TOP1MT: variants seen among roughly 807,000 people sequenced by gnomAD.
TOP1MT encodes DNA topoisomerase I, mitochondrial.
A neutral mutation model predicts 73.9 loss-of-function variants in TOP1MT; 80 were observed. The ratio of observed to expected loss-of-function variants is 1.08; its 90% CI spans 0.90 to 1.30. The LOEUF (loss-of-function observed/expected upper bound fraction) is 1.30. Among genes scored for constraint, TOP1MT ranks in the 50% most tolerant of loss-of-function variants. TOP1MT has a pLI of 0.00. For missense variants in TOP1MT, 815 were observed against 808.0 expected, an observed-to-expected ratio of 1.01 and a Z score of -0.10; for synonymous variants, 338 against 326.4, an observed-to-expected ratio of 1.04 and a Z score of -0.38.
Position 143,341,634 on chromosome 8 carries a change from G to A in TOP1MT, c.29+1586C>T, listed in dbSNP as rs912510853. Among the ~76,000 whole-genome samples, 1 of 152,212 alleles carries A rather than the reference G, an allele frequency of 6.6e-6. No individual in the cohort carries two copies. The highest frequency in any genetic ancestry group is 1.5e-5 in the Non-Finnish European group (1 of 68,032). On this transcript the variant is annotated intron_variant, in intron 2 of 5. Transcript: ENST00000518007. This position sits in a 1 kb window ranked among gnomAD's most constrained non-coding sequence, Gnocchi z 4.1. ...TCTCAGCCCTTGTGGCCTCTGTCAG[G>A]AGCAGAAACCAAGGGCAATGAACAA...
At chr8:143,322,585 C>G (rs375541948) in intron 7 of TOP1MT, among the ~76,000 whole-genome samples, 47 of 130,188 alleles carry the variant, frequency 3.6e-4, no homozygotes, top group African/African-American at 1.4e-3. Flanking sequence ...CACACATGCA[C>G]GCCACACACA....
intron 1 of TOP1MT, among the ~76,000 whole-genome samples, chr8:143,332,060 G>C (rs2130329092): frequency 6.6e-6 from 1 of 152,242 alleles, no homozygotes; most frequent in South Asian, 2.1e-4. Flanking sequence ...TGGAGATTGG[G>C]GGGGTGTTGG....
intron 1 of TOP1MT, 102 bp from the exon 2 acceptor site, chr8:143,331,441 G>A (rs1431175720): frequency 5.2e-6 from 5 of 964,770 alleles, no homozygotes; most frequent in Non-Finnish European, 7.8e-6. Context: ...TAGCAGGTGA[G>A]CAGTGTGGCC....
Position 143,331,223 on chromosome 8 carries a change from C to T in TOP1MT, c.238+1G>A, listed in dbSNP as rs1045999571. 1.2e-6 allele frequency: 2 copies of T among 1,600,706 alleles called. No individual in the cohort carries two copies. The highest frequency in any genetic ancestry group is 1.3e-5 in the African/African-American group (1 of 74,724). ...GGAGGAGCCGCTCCCTGCATCCTTACCTTCATAGAAGAAACGCACTCCGTC... is the reference window on the plus strand; with the variant it reads ...GGAGGAGCCGCTCCCTGCATCCTTATCTTCATAGAAGAAACGCACTCCGTC... On this transcript the variant is annotated splice_donor_variant, in intron 2 of 13. Coordinates refer to ENST00000329245, the MANE Select transcript of TOP1MT (RefSeq NM_052963.3). LOFTEE classifies it high-confidence loss of function.
intron 1 of TOP1MT, among the ~76,000 whole-genome samples, chr8:143,354,795 T>C (rs892815283): frequency 6.6e-6 from 1 of 151,552 alleles, no homozygotes; most frequent in African/African-American, 2.4e-5. Flanking sequence ...ATTGGGCAGC[T>C]CCCAGAACCA....
Position 143,309,363 on chromosome 8 carries a change from G to T in TOP1MT, c.*78C>A, listed in dbSNP as rs1815938910. ...TACAAGCACTTGCACACATTTTATT[G>T]TACAAAATTCCCCAGTACTGCTTTA... On this transcript the variant is annotated 3_prime_UTR_variant, in exon 14 of 14. Coordinates refer to ENST00000329245, the MANE Select transcript of TOP1MT (RefSeq NM_052963.3). 3 of 1,481,398 alleles carry T rather than the reference G, an allele frequency of 2.0e-6. No homozygotes were observed. The highest frequency in any genetic ancestry group is 3.6e-5 in the Admixed American group (2 of 55,240). The allele number at this position is 1,481,398 out of a possible 1,614,324, so 91.8% of individuals were successfully genotyped here.
At chr8:143,339,162 T>C (rs985988965), upstream of TOP1MT, among the ~76,000 whole-genome samples, 2 of 152,174 alleles carry the variant, frequency 1.3e-5, no homozygotes, top group Non-Finnish European at 2.9e-5. Flanking sequence ...CGAGCAGTGG[T>C]GGAGTTTACC....
chr8:143,332,280 G>A (rs892515824), intron 1 of TOP1MT, among the ~76,000 whole-genome samples: 4 of 152,362 alleles, frequency 2.6e-5, no homozygotes, highest in Middle Eastern at 3.4e-3. Context: ...GAGATGGGGC[G>A]TGGCTGGCAG....
chr8:143,319,453 C>G (rs961308903), intron 8 of TOP1MT, among the ~76,000 whole-genome samples: 3 of 152,130 alleles, frequency 2.0e-5, no homozygotes, highest in African/African-American at 4.8e-5. Flanking sequence ...GGCCTTGCGC[C>G]CAGCCTGAGT....
At chr8:143,322,564 CAGACACGCCACACACAT>C (rs1816487085) in intron 7 of TOP1MT, among the ~76,000 whole-genome samples, 1 of 132,436 alleles carries the variant, frequency 7.6e-6, no homozygotes, top group African/African-American at 3.1e-5. Context: ...ACGCCACACA[CAGACACGCCACACACAT>C]GCACGCCACA....
At chr8:143,323,871 ACCCC>A in intron 7 of TOP1MT, 124 bp downstream of exon 7, 2 of 1,019,158 alleles carry the variant, frequency 2.0e-6, no homozygotes, top group Non-Finnish European at 2.9e-6. Context: ...ACATGCACAC[ACCCC>A]CCCCATCAGA....
chr8:143,330,268 T>C (rs1279553682), intron 2 of TOP1MT, among the ~76,000 whole-genome samples: 2 of 152,144 alleles, frequency 1.3e-5, no homozygotes, highest in Non-Finnish European at 2.9e-5. Flanking sequence ...CTGTCCACCA[T>C]GGCCCTGCAT....
intron 1 of TOP1MT, among the ~76,000 whole-genome samples, chr8:143,352,320 C>A (rs552517587): frequency 6.6e-6 from 1 of 152,132 alleles, no homozygotes; most frequent in African/African-American, 2.4e-5. Context: ...ATGAAGACAG[C>A]GGGGCACTGT....
At chr8:143,332,391 T>G in intron 1 of TOP1MT, 1 of 946,054 alleles carries the variant, frequency 1.1e-6, no homozygotes, top group South Asian at 1.4e-5. Flanking sequence ...GGCGAGAGGG[T>G]GGGAGCACCA....
upstream of TOP1MT, among the ~76,000 whole-genome samples, chr8:143,339,531 GAC>G (rs764458698): frequency 6.6e-6 from 1 of 152,098 alleles, no homozygotes; most frequent in Non-Finnish European, 1.5e-5. Context: ...AGCAATGCCA[GAC>G]ACACAGCAAA....
Position 143,317,855 on chromosome 8 carries a change from C to T in TOP1MT, c.1216-18G>A, listed in dbSNP as rs1286737977. The T allele has an allele frequency of 6.2e-7, 1 of 1,612,964 alleles. No individual in the cohort carries two copies. Among genetic ancestry groups the T allele is most frequent in the African/African-American group, 1.3e-5 (1 of 74,902 alleles). On this transcript the variant is annotated intron_variant, in intron 9 of 13. Coordinates refer to ENST00000329245, the MANE Select transcript of TOP1MT (RefSeq NM_052963.3). ...CTGGTCGTCTGGGGAGGAAAATGGT[C>T]TCTATAATTACGTGGTTTTGCGGGG...
chr8:143,358,857 G>C (rs1041105144), upstream of TOP1MT, among the ~76,000 whole-genome samples: 2 of 152,168 alleles, frequency 1.3e-5, no homozygotes. Context: ...AACCACCAAA[G>C]GATGGTGCTT....
In TOP1MT at chr8:143,317,956, G is replaced by A. The variant is rs920142970; in HGVS notation, c.1215+62C>T. ...GACAAAACCCTGGGCCAGACTCAGC[G>A]CCCACGCCCTCTCACTGGGTCCTGC... On this transcript the variant is annotated intron_variant, in intron 9 of 13. Coordinates refer to ENST00000329245, the MANE Select transcript of TOP1MT (RefSeq NM_052963.3). The A allele has an allele frequency of 1.8e-5, 29 of 1,594,484 alleles. No individual in the cohort carries two copies. In the African/African-American group the frequency reaches 2.3e-4, roughly 13 times the overall value.
At chr8:143,347,339 TAG>T (rs1276250827), upstream of TOP1MT, among the ~76,000 whole-genome samples, 1 of 152,154 alleles carries the variant, frequency 6.6e-6, no homozygotes, top group Non-Finnish European at 1.5e-5. Flanking sequence ...GTATTTTTAG[TAG>T]AGACAGGGTT....
Sources: gnomAD v4.1 joint callset for allele counts (sites outside exome capture counted in the v4.1 genomes callset) on GRCh38, gnomAD v4.1.1 for gene constraint, Gnocchi (gnomAD v3.1) non-coding constraint, MANE v1.5 for transcripts, NCBI Gene and HGNC (gene_info 2026-07-23, HGNC 2026-07-21) for gene names.